The following RELN variants were observed in gnomAD, a reference collection of about 807,000 sequenced individuals.
The protein encoded by RELN is reelin.
In RELN, 108 loss-of-function variants were observed where a neutral mutation model predicts 427.6. That is an observed-to-expected ratio of 0.25 (90% CI 0.22 to 0.30). The LOEUF is 0.30. Among genes scored for constraint, RELN ranks in the 10% least tolerant of loss-of-function variants. The probability of loss-of-function intolerance (pLI) is 1.00; values close to 1 mark genes in which losing one functional copy is unlikely to be tolerated. For missense variants in RELN, 3,715 were observed against 4,302.8 expected, an observed-to-expected ratio of 0.86 and a Z score of 3.82; for synonymous variants, 1,524 against 1,513.4, an observed-to-expected ratio of 1.01 and a Z score of -0.16.
intron 1 of RELN, among the ~76,000 whole-genome samples, chr7:103,987,753 G>A (rs575323085): frequency 2.0e-5 from 3 of 152,266 alleles, no homozygotes; most frequent in South Asian, 2.1e-4. Context: ...GGAAGAGGGC[G>A]TAGTAAGCAC....
intron 17 of RELN, among the ~76,000 whole-genome samples, chr7:103,637,982 T>G (rs1021267888): frequency 2.6e-5 from 4 of 152,160 alleles, no homozygotes; most frequent in Non-Finnish European, 5.9e-5. Context: ...TCACTTTCCA[T>G]TTAGTCGTTT....
At chr7:103,917,314 G>C (rs3213725) in intron 1 of RELN, 129 bp from the exon 2 acceptor site, 31,645 of 719,746 alleles carry the variant, frequency 0.044, 1,970 homozygotes, top group East Asian at 0.23. Flanking sequence ...TACCTAGTTG[G>C]TATTTTTTGT....
intron 3 of RELN, among the ~76,000 whole-genome samples, chr7:103,797,223 C>T (rs1249672091): frequency 6.6e-6 from 1 of 152,088 alleles, no homozygotes; most frequent in Non-Finnish European, 1.5e-5. Flanking sequence ...CTGCCTCAGC[C>T]TCCCGAGTAG....
chr7:103,836,485 C>A (rs1355543853), intron 2 of RELN, among the ~76,000 whole-genome samples: 1 of 152,116 alleles, frequency 6.6e-6, no homozygotes, highest in South Asian at 2.1e-4. Flanking sequence ...ATGTCACCGG[C>A]CTTCAAGAAG....
rs1291921601 is a variant in RELN at position 103,746,948 on chromosome 7, C to T, written c.656+2478G>A. Among the ~76,000 whole-genome samples the T allele has an allele frequency of 3.3e-5, 5 of 152,180 alleles. No individual in the cohort carries two copies. In the South Asian group the frequency reaches 6.2e-4, roughly 19 times the overall value. On this transcript the variant is annotated intron_variant, in intron 6 of 64. Transcript: ENST00000428762. ...CAAAGGACTACAAATCATGCTGCTA[C>T]AAAGACACATGCACACGTATGTTTA...
intron 4 of RELN, among the ~76,000 whole-genome samples, chr7:103,753,687 T>A (rs1169312443): frequency 1.3e-5 from 2 of 152,190 alleles, no homozygotes; most frequent in East Asian, 3.8e-4. Context: ...AAATACAAAT[T>A]AATAATGGTT....
intron 25 of RELN, 141 bp downstream of exon 25, chr7:103,596,315 A>G (rs1831535921): frequency 2.8e-6 from 2 of 725,878 alleles, no homozygotes; most frequent in Admixed American, 2.1e-5. Flanking sequence ...TAAAATCTTT[A>G]TATACTGGGC....
intron 1 of RELN, among the ~76,000 whole-genome samples, chr7:103,943,336 A>C (rs1363230668): frequency 1.3e-5 from 2 of 152,150 alleles, no homozygotes; most frequent in Non-Finnish European, 2.9e-5. Flanking sequence ...CATCCTGACC[A>C]CCGGCCTGTT....
chr7:103,772,850 A>C (rs1184035787), intron 4 of RELN, among the ~76,000 whole-genome samples: 1 of 152,214 alleles, frequency 6.6e-6, no homozygotes, highest in African/African-American at 2.4e-5. Context: ...GTTGATAAGC[A>C]GTAGGAATTT....
At chr7:103,541,372 G>A (rs113881981) in intron 43 of RELN, among the ~76,000 whole-genome samples, 1 of 152,184 alleles carries the variant, frequency 6.6e-6, no homozygotes, top group African/African-American at 2.4e-5. Flanking sequence ...GCCGGACATA[G>A]GAAATATATT....
rs552287037 is a variant in RELN, at chr7:103,534,325, A to G, written c.7349+991T>C. ...TCTATCAAGATGTTAAAGCTTTCCT[A>G]TAATTAGCACCTAGTTTAGATGGTG... On this transcript the variant is annotated intron_variant, in intron 46 of 64. Transcript: ENST00000428762. Among the ~76,000 whole-genome samples the G allele has an allele frequency of 2.2e-4, 33 of 152,338 alleles. 1 individual carries two copies. Among genetic ancestry groups the G allele is most frequent in the South Asian group, 1.4e-3 (7 of 4,828 alleles).
At chr7:103,767,514 C>G (rs1312436864) in intron 4 of RELN, among the ~76,000 whole-genome samples, 1 of 152,104 alleles carries the variant, frequency 6.6e-6, no homozygotes, top group Admixed American at 6.6e-5. Context: ...AGTCCTCATC[C>G]TAAGTCTATC....
chr7:103,604,342 A>T lies in RELN; in HGVS notation c.3146+4T>A. On this transcript the variant is annotated splice_donor_region_variant and intron_variant, in intron 23 of 64. Coordinates refer to ENST00000428762, the MANE Select transcript of RELN (RefSeq NM_005045.4). ...GACCTCATCGTGCTTTCTGGTGCACATACCTGCATATGCCATGATCGCATG... is the reference window on the plus strand; with the variant it reads ...GACCTCATCGTGCTTTCTGGTGCACTTACCTGCATATGCCATGATCGCATG... The T allele has an allele frequency of 6.2e-7, 1 of 1,613,858 alleles. No individual in the cohort carries two copies. The highest frequency in any genetic ancestry group is 8.5e-7 in the Non-Finnish European group (1 of 1,179,834).
chr7:103,674,732 A>G (rs12533612), intron 11 of RELN, among the ~76,000 whole-genome samples: 5,551 of 152,320 alleles, frequency 0.036, 175 homozygotes, highest in East Asian at 0.16. Flanking sequence ...CTGGTTCAAC[A>G]CATGCAAATC....
intron 36 of RELN, 21 bp from the exon 37 acceptor site, chr7:103,558,070 G>A (rs374551980): frequency 7.2e-6 from 9 of 1,247,150 alleles, no homozygotes; most frequent in South Asian, 2.4e-5. Context: ...AAACATATAC[G>A]TTAAGCAACT....
intron 50 of RELN, among the ~76,000 whole-genome samples, 172 bp from the exon 51 acceptor site, chr7:103,511,177 G>A (rs1014784592): frequency 6.6e-6 from 1 of 152,064 alleles, no homozygotes; most frequent in African/African-American, 2.4e-5. Context: ...TAAATACTAG[G>A]AGGATTGAGA....
intron 3 of RELN, among the ~76,000 whole-genome samples, chr7:103,793,222 A>G (rs1792210990): frequency 6.6e-6 from 1 of 152,218 alleles, no homozygotes; most frequent in Non-Finnish European, 1.5e-5. Flanking sequence ...AAAACACATT[A>G]AATTATTGAT....
In RELN at chr7:103,557,251, A is replaced by C. The variant is rs1418741933; in HGVS notation, c.5615-92T>G. ...CTGAATCTTTAGGCATCAATGCATA[A>C]GAGAACTTATGTTTACATGGAAGCT... On this transcript the variant is annotated intron_variant, in intron 37 of 64. Transcript: ENST00000428762. The C allele has an allele frequency of 6.5e-6, 7 of 1,074,384 alleles. No individual in the cohort carries two copies. In the East Asian group the frequency reaches 7.5e-5, roughly 12 times the overall value. The allele number at this position is 1,074,384 out of a possible 1,614,324, so 66.6% of individuals were successfully genotyped here.
intron 1 of RELN, among the ~76,000 whole-genome samples, chr7:103,936,759 C>T (rs62487055): frequency 1.1e-5 from 1 of 88,816 alleles, no homozygotes; most frequent in Non-Finnish European, 3.4e-5. Flanking sequence ...CACACACACA[C>T]ACACACACAC....
Sources: allele counts gnomAD v4.1 joint callset (sites outside exome capture counted in the v4.1 genomes callset), GRCh38; gene constraint gnomAD v4.1.1; transcripts MANE v1.5; gene names NCBI Gene and HGNC (gene_info 2026-07-23, HGNC 2026-07-21).